GNMT: variants seen among roughly 807,000 people sequenced by gnomAD.
GNMT encodes the protein glycine N-methyltransferase.
Under a neutral mutation model 30.2 loss-of-function variants are expected in GNMT, and 26 were observed. The ratio of observed to expected loss-of-function variants is 0.86; its 90% CI spans 0.63 to 1.19. GNMT has a LOEUF of 1.19. Among genes scored for constraint, GNMT ranks in the 50% most tolerant of loss-of-function variants. GNMT has a pLI of 0.00. For missense variants in GNMT, 365 were observed against 398.1 expected (o/e 0.92, Z 0.71); for synonymous variants, 163 against 163.8 (o/e 1.00, Z 0.04).
Position 42,963,443 on chromosome 6 carries a change from G to A in GNMT, c.710G>A (p.Gly237Asp), listed in dbSNP as rs779697649. Residue 237 changes from glycine (G) to aspartate (D), a missense_variant, in exon 5 of 6, where the codon GGC (glycine) becomes GAC (aspartate). Coordinates refer to ENST00000372808, the MANE Select transcript of GNMT (RefSeq NM_018960.6). ...GGGGCTGGCCAGGATGGCTCTCCTG[G>A]CTTGAGGTACCACTTGGCTTAGTGG... ...VPGAGQDGSP[G>D]LSKFRLSYYP... 1.9e-6 allele frequency: 3 copies of A among 1,612,782 alleles called. No homozygotes were observed. In the African/African-American group the frequency reaches 4.1e-5, roughly 22 times the overall value.
rs773117114 is a variant in GNMT at position 42,963,647 on chromosome 6, A to G, written c.829A>G (p.Lys277Glu). The change falls in exon 6 of 6, where the codon AAG becomes GAG. Residue 277 changes from lysine to glutamate, a missense_variant. Coordinates refer to ENST00000372808, the MANE Select transcript of GNMT (RefSeq NM_018960.6). ...HSVLGDFKPY[K>E]PGQTYIPCYF... is the part of the protein sequence containing the mutation. The stretch of plus-strand genomic sequence containing the variant: ...CGTCCTGGGCGACTTCAAGCCTTAC[A>G]AGCCAGGCCAAACCTACATTCCCTG... 2 of 1,614,154 alleles carry G rather than the reference A, an allele frequency of 1.2e-6. No individual in the cohort carries two copies. The highest frequency in any genetic ancestry group is 2.2e-5 in the East Asian group (1 of 44,876).
At chr6:42,961,725 T>G (rs1239793275) in intron 1 of GNMT, among the ~76,000 whole-genome samples, 3 of 152,002 alleles carry the variant, frequency 2.0e-5, no homozygotes, top group African/African-American at 7.2e-5. Context: ...AGCTAATATT[T>G]TGTATTTTTA....
Position 42,963,779 on chromosome 6 carries a change from C to T in GNMT, c.*73C>T, listed in dbSNP as rs1769587313. Reference sequence around the variant, plus strand: ...TGTCTGGAAGATGGGGACCAGCAGCCCCACACCAGGGCCAGCCTCTAGAGC... The same window carrying T: ...TGTCTGGAAGATGGGGACCAGCAGCTCCACACCAGGGCCAGCCTCTAGAGC... On this transcript the variant is annotated 3_prime_UTR_variant, in exon 6 of 6. Coordinates refer to ENST00000372808, the MANE Select transcript of GNMT (RefSeq NM_018960.6). 1.4e-6 allele frequency: 2 copies of T among 1,463,054 alleles called. No individual in the cohort carries two copies. Among genetic ancestry groups the T allele is most frequent in the African/African-American group, 1.4e-5 (1 of 71,976 alleles). 90.6% of individuals were successfully genotyped at this position (1,463,054 alleles called of 1,614,324 possible). A position where few individuals can be genotyped will look rare whatever the true frequency, so the allele number is the denominator to read the frequency against.
At chr6:42,961,638 C>T (rs916285863) in intron 1 of GNMT, among the ~76,000 whole-genome samples, 71 of 150,394 alleles carry the variant, frequency 4.7e-4, no homozygotes, top group African/African-American at 1.7e-3. Context: ...ACTGCAAGCT[C>T]CGCCTCCTGA....
rs745984295 is a variant in GNMT at position 42,962,859 on chromosome 6, T to C, written c.432T>C (p.Ala144=). ...DAVICLGNSF[A]HLPDCKGDQS... ...TCATCTGCCTTGGAAACAGTTTCGCTCACTTGCCAGACTGCAAAGGTAAGA... is the reference window on the plus strand; with the variant it reads ...TCATCTGCCTTGGAAACAGTTTCGCCCACTTGCCAGACTGCAAAGGTAAGA... Residue 144 remains alanine, a synonymous_variant, in exon 3 of 6, where the codon GCT becomes GCC. Transcript: ENST00000372808. 1.2e-6 allele frequency: 2 copies of C among 1,613,754 alleles called. No homozygotes were observed. The highest frequency in any genetic ancestry group is 2.2e-5 in the South Asian group (2 of 91,076).
intron 1 of GNMT, among the ~76,000 whole-genome samples, chr6:42,962,010 C>T (rs1376054120): frequency 6.6e-6 from 1 of 152,100 alleles, no homozygotes; most frequent in Non-Finnish European, 1.5e-5. Context: ...GTGCCTGGCT[C>T]TGAAGAGGTG....
rs781013631 is a variant in GNMT at position 42,960,872 on chromosome 6, C to G, written c.105C>G (p.Ile35Met). Residue 35 changes from isoleucine to methionine, a missense_variant, in exon 1 of 6, where the codon ATC becomes ATG. Physicochemically the swap from Ile to Met is conservative, Grantham distance 10 (BLOSUM62 1). Coordinates refer to ENST00000372808, the MANE Select transcript of GNMT (RefSeq NM_018960.6). Reference protein sequence around the residue: ...GEAARVWQLYIGDTRSRTAEY... With the variant: ...GEAARVWQLYMGDTRSRTAEY... ...CGGCGCGCGTGTGGCAGCTGTATATCGGAGACACCCGCAGCCGCACCGCCG... is the reference window on the plus strand; with the variant it reads ...CGGCGCGCGTGTGGCAGCTGTATATGGGAGACACCCGCAGCCGCACCGCCG... The G allele has an allele frequency of 6.4e-7, 1 of 1,554,600 alleles. No homozygotes were observed. The highest frequency in any genetic ancestry group is 8.7e-7 in the Non-Finnish European group (1 of 1,153,140).
At chr6:42,962,572 C>G (rs1489547182) in intron 2 of GNMT, among the ~76,000 whole-genome samples, 190 bp from the exon 3 acceptor site, 1 of 152,134 alleles carries the variant, frequency 6.6e-6, no homozygotes, top group Non-Finnish European at 1.5e-5. Context: ...CAAAGAAAAA[C>G]CCATAAGCAC....
At position 42,960,975 on chromosome 6, in the gene GNMT, T is replaced by C; in HGVS notation, c.206+2T>C. 1 of 1,550,140 alleles carries C rather than the reference T, an allele frequency of 6.5e-7. No individual in the cohort carries two copies. Among genetic ancestry groups the C allele is most frequent in the African/African-American group, 1.4e-5 (1 of 73,690 alleles). ...GCTCGACGTAGCCTGTGGCACTGGG[T>C]GAGCCCAGGCCGGGGCCGGGGGCGT... On this transcript the variant is annotated splice_donor_variant, in intron 1 of 5. Coordinates refer to ENST00000372808, the MANE Select transcript of GNMT (RefSeq NM_018960.6). LOFTEE classifies it high-confidence loss of function.
chr6:42,962,228 C>G lies in GNMT; in HGVS notation c.223C>G (p.Leu75Val). ...ACGTGVDSIM[L>V]VEEGFSVTSV... ...CGTACTCAGGGTGGACTCCATTATG[C>G]TGGTGGAAGAGGGCTTCAGTGTGAC... is the stretch of plus-strand genomic sequence containing the variant. The change falls in exon 2 of 6, where the codon CTG becomes GTG. Residue 75 changes from leucine to valine, a missense_variant. Leu to Val is a conservative substitution (Grantham distance 32). Coordinates refer to ENST00000372808, the MANE Select transcript of GNMT (RefSeq NM_018960.6). 1 of 1,614,116 alleles carries G rather than the reference C, an allele frequency of 6.2e-7. No individual in the cohort carries two copies. Among genetic ancestry groups the G allele is most frequent in the South Asian group, 1.1e-5 (1 of 91,074 alleles).
In GNMT at chr6:42,963,175, T is replaced by A. The variant is rs1173296342; in HGVS notation, c.555T>A (p.Ser185Arg). The change falls in exon 4 of 6, where the codon AGT becomes AGA. Residue 185 changes from serine (S) to arginine (R), a missense_variant. This residue lies in a region of GNMT where 232 missense variants were observed against 263.0 expected (regional missense o/e 0.88). Transcript: ENST00000372808. ...IDHRNYDHILSTGCAPPGKNI... is the reference protein window; with the variant it reads ...IDHRNYDHILRTGCAPPGKNI... ...ATCGCAACTACGACCACATCCTCAG[T>A]ACAGGCTGTGCACCCCCAGGGAAGA... is the stretch of plus-strand genomic sequence containing the variant. The A allele has an allele frequency of 2.5e-6, 4 of 1,593,238 alleles. No individual in the cohort carries two copies. Among genetic ancestry groups the A allele is most frequent in the Admixed American group, 3.5e-5 (2 of 57,546 alleles).
chr6:42,962,070 C>T (rs1581748946), intron 1 of GNMT, 142 bp from the exon 2 acceptor site: 18 of 928,380 alleles, frequency 1.9e-5, no homozygotes, highest in Admixed American at 4.0e-5. Flanking sequence ...TTTGTGAGGT[C>T]AGTGGAGAGG....
In GNMT at chr6:42,960,970, C is replaced by T. The variant is rs762066957; in HGVS notation, c.203C>T (p.Thr68Ile). 1.5e-5 allele frequency: 23 copies of T among 1,553,428 alleles called. No homozygotes were observed. The highest frequency in any genetic ancestry group is 1.7e-5 in the Non-Finnish European group (20 of 1,155,248). ...CGGGTGCTCGACGTAGCCTGTGGCACTGGGTGAGCCCAGGCCGGGGCCGGG... is the reference window on the plus strand; with the variant it reads ...CGGGTGCTCGACGTAGCCTGTGGCATTGGGTGAGCCCAGGCCGGGGCCGGG... ...CQRVLDVACG[T>I]GVDSIMLVEE... Residue 68 changes from threonine to isoleucine, a missense_variant, in exon 1 of 6, where the codon ACT becomes ATT. Around this residue, in one of 3 missense-constraint regions of GNMT, gnomAD observed 125 missense variants for 112.0 expected, o/e 1.12. Transcript: ENST00000372808.
rs1350505168 is a variant in GNMT at position 42,963,765 on chromosome 6, TG to T, written c.*63del. The T allele has an allele frequency of 1.3e-5, 20 of 1,556,188 alleles. No homozygotes were observed. The East Asian group carries it at 4.3e-4, about 33-fold the overall frequency. Reference sequence around the variant, plus strand: ...GCACTGCTAGGCTCTGTCTGGAAGATGGGGACCAGCAGCCCCACACCAGGGC... The same window carrying T: ...GCACTGCTAGGCTCTGTCTGGAAGATGGGACCAGCAGCCCCACACCAGGGC... On this transcript the variant is annotated 3_prime_UTR_variant, in exon 6 of 6. Transcript: ENST00000372808.
rs990336887 is a variant in GNMT, at chr6:42,960,829, A to G, written c.62A>G (p.Gln21Arg). 3.8e-6 allele frequency: 6 copies of G among 1,558,942 alleles called. No homozygotes were observed. In the Admixed American group the frequency reaches 9.5e-5, roughly 25 times the overall value. Residue 21 changes from glutamine (Q) to arginine (R), a missense_variant, in exon 1 of 6, where the codon CAG (glutamine) becomes CGG (arginine). By Grantham distance (43) the Gln-to-Arg change is conservative (BLOSUM62 1). Around this residue, in one of 3 missense-constraint regions of GNMT, gnomAD observed 125 missense variants for 112.0 expected, o/e 1.12. Coordinates refer to ENST00000372808, the MANE Select transcript of GNMT (RefSeq NM_018960.6). Reference protein sequence around the residue: ...LGVAAEGLPDQYADGEAARVW... With the variant: ...LGVAAEGLPDRYADGEAARVW... ...GTGGCGGCCGAAGGGCTCCCGGACCAGTACGCGGACGGGGAGGCGGCGCGC... is the reference window on the plus strand; with the variant it reads ...GTGGCGGCCGAAGGGCTCCCGGACCGGTACGCGGACGGGGAGGCGGCGCGC...
intron 1 of GNMT, among the ~76,000 whole-genome samples, chr6:42,961,209 A>G (rs565084176): frequency 6.6e-6 from 1 of 152,208 alleles, no homozygotes; most frequent in African/African-American, 2.4e-5. Context: ...GAGAAGGGAG[A>G]CTGAGTGTGA....
chr6:42,962,117 A>G, intron 1 of GNMT, 95 bp from the exon 2 acceptor site: 1 of 1,368,290 alleles, frequency 7.3e-7, no homozygotes, highest in Non-Finnish European at 1.0e-6. Context: ...GACTCTGAGA[A>G]GTAGAGACAA....
At chr6:42,962,067 G>T in intron 1 of GNMT, 145 bp from the exon 2 acceptor site, 2 of 909,678 alleles carry the variant, frequency 2.2e-6, no homozygotes, top group Non-Finnish European at 3.5e-6. Context: ...AGATTTGTGA[G>T]GTCAGTGGAG....
rs1273942567 is a variant in GNMT at position 42,963,699 on chromosome 6, C to G, written c.881C>G (p.Thr294Arg). ...PCYFIHVLKR[T>R]D The stretch of plus-strand genomic sequence containing the variant: ...TACTTCATCCACGTGCTCAAGAGGA[C>G]AGACTGAGTGTGGCCTCAGCTCCCA... The change falls in exon 6 of 6, where the codon ACA becomes AGA. Residue 294 changes from threonine to arginine, a missense_variant. Physicochemically the swap from Thr to Arg is moderately conservative, Grantham distance 71. This residue lies in a region of GNMT where 232 missense variants were observed against 263.0 expected (regional missense o/e 0.88). Coordinates refer to ENST00000372808, the MANE Select transcript of GNMT (RefSeq NM_018960.6). 1.2e-6 allele frequency: 2 copies of G among 1,613,930 alleles called. No homozygotes were observed. The highest frequency in any genetic ancestry group is 4.5e-5 in the East Asian group (2 of 44,894).
Sources: allele counts gnomAD v4.1 joint callset (sites outside exome capture counted in the v4.1 genomes callset), GRCh38; gene constraint gnomAD v4.1.1; regional missense constraint gnomAD v4.1.1; transcripts MANE v1.5; gene names NCBI Gene and HGNC (gene_info 2026-07-23, HGNC 2026-07-21).